Variants in LIPC observed in about 807,000 individuals in gnomAD.
The protein encoded by LIPC is lipase C, hepatic type.
In LIPC, 44 loss-of-function variants were observed where a neutral mutation model predicts 50.7. The observed-to-expected ratio is 0.87, with a 90% CI of 0.68 to 1.11. The LOEUF (loss-of-function observed/expected upper bound fraction) is 1.11. Among genes scored for constraint, LIPC ranks in the 50% most tolerant of loss-of-function variants. The probability of loss-of-function intolerance (pLI) is 0.00; values close to 1 mark genes in which losing one functional copy is unlikely to be tolerated. For missense variants in LIPC, 697 were observed against 648.2 expected, an observed-to-expected ratio of 1.08 and a Z score of -0.82; for synonymous variants, 271 against 256.4, an observed-to-expected ratio of 1.06 and a Z score of -0.54.
intron 1 of LIPC, among the ~76,000 whole-genome samples, chr15:58,452,373 C>A (rs1248142156): frequency 2.0e-5 from 3 of 152,168 alleles, no homozygotes; most frequent in Non-Finnish European, 4.4e-5. Flanking sequence ...TTCAAAGGGA[C>A]CACCTACTAT....
intron 6 of LIPC, among the ~76,000 whole-genome samples, chr15:58,551,663 C>G (rs1158279730): frequency 6.6e-6 from 1 of 152,176 alleles, no homozygotes; most frequent in African/African-American, 2.4e-5. Context: ...CACCAGCCAC[C>G]TCCAGCATTT....
At chr15:58,560,677 A>G (rs987394544) in intron 6 of LIPC, among the ~76,000 whole-genome samples, 187 bp from the exon 7 acceptor site, 1 of 152,068 alleles carries the variant, frequency 6.6e-6, no homozygotes, top group Non-Finnish European at 1.5e-5. Context: ...ATAGACATTT[A>G]GGAAATACAG....
At chr15:58,489,427 G>A (rs1225616250) in intron 1 of LIPC, among the ~76,000 whole-genome samples, 6 of 152,050 alleles carry the variant, frequency 3.9e-5, no homozygotes, top group African/African-American at 1.2e-4. Context: ...CAGCGGTTAG[G>A]GTTTTTCAAG....
rs1892797196 is a variant in LIPC at position 58,526,269 on chromosome 15, A to T, written c.89-12064A>T. 2.6e-5 allele frequency among the ~76,000 whole-genome samples: 4 copies of T among 152,222 alleles called. No homozygotes were observed. In the South Asian group the frequency reaches 8.3e-4, roughly 31 times the overall value. On this transcript the variant is annotated intron_variant, in intron 1 of 8. Coordinates refer to ENST00000299022, the MANE Select transcript of LIPC (RefSeq NM_000236.3). ...GTAATATATCAGGGAGGCTGTGAGG[A>T]TGAGTGTTTCCTTAGCAGTGGTGTA... is the stretch of plus-strand genomic sequence containing the variant.
chr15:58,550,045 C>T (rs983839569), intron 6 of LIPC, among the ~76,000 whole-genome samples: 5 of 152,162 alleles, frequency 3.3e-5, no homozygotes, highest in Admixed American at 6.5e-5. Flanking sequence ...CAGTTCAACC[C>T]TGCCGTTTTT....
chr15:58,460,089 G>A (rs527468969), intron 1 of LIPC, among the ~76,000 whole-genome samples: 20 of 152,240 alleles, frequency 1.3e-4, no homozygotes, highest in Non-Finnish European at 2.8e-4. Flanking sequence ...TGAGCACCCT[G>A]TAGGGCTCTG....
intron 7 of LIPC, among the ~76,000 whole-genome samples, chr15:58,563,014 G>A (rs750979666): frequency 2.5e-4 from 38 of 152,082 alleles, no homozygotes; most frequent in Non-Finnish European, 8.8e-5. Context: ...GCTCTAAATC[G>A]GTGCATCCTT....
chr15:58,552,324 T>G (rs1893791193), intron 6 of LIPC, among the ~76,000 whole-genome samples: 2 of 152,154 alleles, frequency 1.3e-5, no homozygotes, highest in African/African-American at 4.8e-5. Context: ...GTCACACAAT[T>G]TGTGAGCAGG....
At chr15:58,563,220 G>C (rs1894228945) in intron 7 of LIPC, among the ~76,000 whole-genome samples, 1 of 152,188 alleles carries the variant, frequency 6.6e-6, no homozygotes, top group African/African-American at 2.4e-5. Flanking sequence ...TAGAAGCTAA[G>C]CTAGAGAAAG....
At chr15:58,518,901 C>G (rs1892564840) in intron 1 of LIPC, among the ~76,000 whole-genome samples, 2 of 150,838 alleles carry the variant, frequency 1.3e-5, no homozygotes, top group East Asian at 1.9e-4. Context: ...AATAGACACT[C>G]ACAACACTCA....
chr15:58,510,631 A>G (rs1375018278), intron 1 of LIPC, among the ~76,000 whole-genome samples: 5 of 152,240 alleles, frequency 3.3e-5, no homozygotes, highest in African/African-American at 1.2e-4. Context: ...GCCAAACCCT[A>G]AAGTAGGGGA....
In LIPC at chr15:58,548,504, T is replaced by C; in HGVS notation, c.983T>C (p.Val328Ala). 1 of 1,606,882 alleles carries C rather than the reference T, an allele frequency of 6.2e-7. No homozygotes were observed. The highest frequency in any genetic ancestry group is 1.7e-4 in the Middle Eastern group (1 of 6,008). ...CGCTGCAACACGCTGGGCTACCACG[T>C]CCGCCAGGAGCCGCGGAGCAAGAGC... is the stretch of plus-strand genomic sequence containing the variant. ...KGRCNTLGYHVRQEPRSKSKR... is the reference protein window; with the variant it reads ...KGRCNTLGYHARQEPRSKSKR... Residue 328 changes from valine to alanine, a missense_variant, in exon 6 of 9, where the codon GTC becomes GCC. Transcript: ENST00000299022.
At chr15:58,501,589 A>G (rs1169567333) in intron 1 of LIPC, among the ~76,000 whole-genome samples, 1 of 152,154 alleles carries the variant, frequency 6.6e-6, no homozygotes, top group Admixed American at 6.5e-5. Context: ...AACTTCCATC[A>G]GCGCTGAATG....
chr15:58,434,042 G>A (rs1329153416), intron 1 of LIPC, among the ~76,000 whole-genome samples: 1 of 151,942 alleles, frequency 6.6e-6, no homozygotes, highest in Non-Finnish European at 1.5e-5. Flanking sequence ...TGCCCTCCAG[G>A]GGACACTTGG....
At chr15:58,443,405 T>C (rs1893572043) in intron 1 of LIPC, among the ~76,000 whole-genome samples, 1 of 152,174 alleles carries the variant, frequency 6.6e-6, no homozygotes, top group African/African-American at 2.4e-5. Context: ...TCACTGCCCC[T>C]GGCTACCCAA....
Position 58,548,550 on chromosome 15 carries a change from G to A in LIPC, c.1029G>A (p.Thr343=), listed in dbSNP as rs570824458. ...AGAGCAAGAGGCTCTTCCTCGTAAC[G>A]CGAGCCCAGTCCCCCTTCAAAGGTG... ...RSKSKRLFLV[T]RAQSPFKVYH... is the part of the protein sequence containing the mutation. Residue 343 remains threonine, a synonymous_variant, in exon 6 of 9, where the codon ACG becomes ACA. Transcript: ENST00000299022. The A allele has an allele frequency of 5.2e-4, 831 of 1,592,878 alleles. 6 individuals are homozygous for A. The South Asian group carries it at 8.8e-3, about 17-fold the overall frequency.
chr15:58,555,819 C>A (rs954689146), intron 6 of LIPC, among the ~76,000 whole-genome samples: 1 of 152,182 alleles, frequency 6.6e-6, no homozygotes, highest in Non-Finnish European at 1.5e-5. Context: ...TGCTGATAAT[C>A]GTGGGAGGGC....
In LIPC at chr15:58,548,186, C is replaced by T; in HGVS notation, c.809-144C>T. On this transcript the variant is annotated intron_variant, in intron 5 of 8. Coordinates refer to ENST00000299022, the MANE Select transcript of LIPC (RefSeq NM_000236.3). ...GTCAGTTGTCACATCCTGCTCTTGT[C>T]AAGGGGTCTGCCTTGACAAGCCCAC... 3 of 1,018,642 alleles carry T rather than the reference C, an allele frequency of 2.9e-6. No homozygotes were observed. In the South Asian group the frequency reaches 3.9e-5, roughly 13 times the overall value. 63.1% of individuals were successfully genotyped at this position (1,018,642 alleles called of 1,614,324 possible). A position where few individuals can be genotyped will look rare whatever the true frequency, so the allele number is the denominator to read the frequency against.
rs796518703 is a variant in LIPC, at chr15:58,478,620, A to G, written c.88+46500A>G. On this transcript the variant is annotated intron_variant, in intron 1 of 8. Transcript: ENST00000299022. ...TTATCCCCATTTCATAGAGGAGGTA[A>G]TTAGGACTTAGGGAGGTTATGCAAG... is the stretch of plus-strand genomic sequence containing the variant. Among the ~76,000 whole-genome samples, 106 of 152,340 alleles carry G rather than the reference A, an allele frequency of 7.0e-4. 1 individual carries two copies. The highest frequency in any genetic ancestry group is 2.4e-3 in the African/African-American group (101 of 41,568).
Sources: allele counts gnomAD v4.1 joint callset (sites outside exome capture counted in the v4.1 genomes callset), GRCh38; gene constraint gnomAD v4.1.1; transcripts MANE v1.5; gene names NCBI Gene and HGNC (gene_info 2026-07-23, HGNC 2026-07-21).